The following SHD variants were observed in gnomAD, a reference collection of about 807,000 sequenced individuals.
SHD encodes Src homology 2 domain containing transforming protein D.
Under a neutral mutation model 31.2 loss-of-function variants are expected in SHD, and 29 were observed. That is an observed-to-expected ratio of 0.93 (90% CI 0.69 to 1.27). SHD has a LOEUF of 1.27. Among genes scored for constraint, SHD ranks in the 50% most tolerant of loss-of-function variants. SHD has a pLI of 0.00. For missense variants in SHD, 520 were observed against 453.8 expected (o/e 1.15, Z -1.33); for synonymous variants, 208 against 187.8 (o/e 1.11, Z -0.88).
chr19:4,289,497 C>T (rs1051949139), intron 5 of SHD, among the ~76,000 whole-genome samples: 3 of 151,870 alleles, frequency 2.0e-5, no homozygotes, highest in Non-Finnish European at 4.4e-5. Context: ...CCGCCTGACT[C>T]GGCCTCCCAA....
In SHD at chr19:4,279,958, T is replaced by C; in HGVS notation, c.-106T>C. The C allele has an allele frequency of 2.2e-6, 3 of 1,337,356 alleles. No individual in the cohort carries two copies. Among genetic ancestry groups the C allele is most frequent in the Non-Finnish European group, 2.0e-6 (2 of 994,318 alleles). 82.8% of individuals were successfully genotyped at this position (1,337,356 alleles called of 1,614,324 possible). On this transcript the variant is annotated 5_prime_UTR_variant, in exon 1 of 6. Coordinates refer to ENST00000543264, the MANE Select transcript of SHD (RefSeq NM_020209.4). The surrounding 1 kb of genome is among the most constrained non-coding windows in gnomAD (Gnocchi z 7.5). ...CCTGATCTTTCTCATCCTTCCCTGCTCTTCCCTTCCTCTCCACCTCCTCCT... is the reference window on the plus strand; with the variant it reads ...CCTGATCTTTCTCATCCTTCCCTGCCCTTCCCTTCCTCTCCACCTCCTCCT...
chr19:4,287,582 C>T (rs967686756), intron 4 of SHD, among the ~76,000 whole-genome samples: 4 of 151,388 alleles, frequency 2.6e-5, no homozygotes, highest in East Asian at 4.0e-4. Context: ...GTTAGGAGTT[C>T]GAGACCAGCC....
intron 4 of SHD, among the ~76,000 whole-genome samples, chr19:4,286,300 C>T (rs1339791574): frequency 3.7e-5 from 5 of 133,616 alleles, no homozygotes; most frequent in African/African-American, 8.9e-5. Context: ...TCCTTCCTTC[C>T]TTCCTTCCTT....
Position 4,284,842 on chromosome 19 carries a change from T to G in SHD, c.654T>G (p.Pro218=), listed in dbSNP as rs141052448. Residue 218 remains proline, a synonymous_variant, in exon 4 of 6, where the codon CCT becomes CCG. Transcript: ENST00000543264. ...GCTCAGCCAAGGAGCTCCGGAGACC[T>G]CCGCCCAGAAGCCCCCAGCCTGCGG... ...TPGSAKELRR[P]PPRSPQPAER... is the part of the protein sequence containing the mutation. 53 of 1,612,746 alleles carry G rather than the reference T, an allele frequency of 3.3e-5. No homozygotes were observed. Among genetic ancestry groups the G allele is most frequent in the Non-Finnish European group, 4.4e-5 (52 of 1,179,532 alleles).
At position 4,279,931 on chromosome 19, in the gene SHD, C is replaced by T. The variant is rs2144712348; in HGVS notation, c.-133C>T. On this transcript the variant is annotated 5_prime_UTR_variant, in exon 1 of 6. Transcript: ENST00000543264. The surrounding 1 kb of genome is among the most constrained non-coding windows in gnomAD (Gnocchi z 7.5). ...CCATCCAGAGCCCCGCCAAAGGGCGCACCTGATCTTTCTCATCCTTCCCTG... is the reference window on the plus strand; with the variant it reads ...CCATCCAGAGCCCCGCCAAAGGGCGTACCTGATCTTTCTCATCCTTCCCTG... The T allele has an allele frequency of 1.8e-6, 2 of 1,114,924 alleles. No homozygotes were observed. The highest frequency in any genetic ancestry group is 5.2e-5 in the East Asian group (2 of 38,678). The allele number at this position is 1,114,924 out of a possible 1,614,324, so 69.1% of individuals were successfully genotyped here. A position where few individuals can be genotyped will look rare whatever the true frequency, so the allele number is the denominator to read the frequency against.
intron 5 of SHD, 85 bp from the exon 6 acceptor site, chr19:4,290,362 G>C (rs754165138): frequency 1.1e-4 from 160 of 1,455,896 alleles, no homozygotes; most frequent in Non-Finnish European, 1.4e-4. Context: ...ACCTGGCCTG[G>C]GCACTGTGGG....
intron 3 of SHD, 139 bp downstream of exon 3, chr19:4,283,381 T>A: frequency 2.3e-6 from 2 of 881,836 alleles, no homozygotes; most frequent in Non-Finnish European, 3.4e-6. Flanking sequence ...CACTAGAGTG[T>A]GAATGACTGA....
intron 3 of SHD, 77 bp from the exon 4 acceptor site, chr19:4,284,704 A>T (rs1971290199): frequency 2.2e-6 from 3 of 1,372,840 alleles, no homozygotes; most frequent in Non-Finnish European, 2.9e-6. Flanking sequence ...TTCTACCGAG[A>T]TTCCATTGGC....
At chr19:4,286,259 C>CCT (rs1971313471) in intron 4 of SHD, among the ~76,000 whole-genome samples, 12 of 115,290 alleles carry the variant, frequency 1.0e-4, no homozygotes, top group Admixed American at 3.7e-4. Flanking sequence ...TTCTTTCTTT[C>CCT]TCTCTTTCTT....
At chr19:4,280,620 G>A (rs2144713106) in intron 1 of SHD, among the ~76,000 whole-genome samples, 1 of 151,774 alleles carries the variant, frequency 6.6e-6, no homozygotes, top group Admixed American at 6.6e-5. Flanking sequence ...TCCACCTCCT[G>A]GGGTTCAAGC....
At chr19:4,286,097 A>G (rs1173610198) in intron 4 of SHD, among the ~76,000 whole-genome samples, 4 of 149,964 alleles carry the variant, frequency 2.7e-5, no homozygotes, top group Non-Finnish European at 5.9e-5. Context: ...TCACCATGTT[A>G]GCCAGGCTGG....
intron 5 of SHD, among the ~76,000 whole-genome samples, chr19:4,289,312 T>C (rs1054061005): frequency 7.4e-5 from 11 of 149,490 alleles, no homozygotes; most frequent in African/African-American, 1.2e-4. Context: ...GGGGTTTCAC[T>C]GTGTTAGCCA....
Position 4,290,691 on chromosome 19 carries a change from C to T in SHD, c.*58C>T. On this transcript the variant is annotated 3_prime_UTR_variant, in exon 6 of 6. Transcript: ENST00000543264. ...GCCCAGAATCGTATCCCAAAGCCCT[C>T]CCATGGCCTAGAAAATAAATAAGTT... 6.8e-7 allele frequency: 1 copy of T among 1,478,946 alleles called. No homozygotes were observed. The highest frequency in any genetic ancestry group is 9.1e-7 in the Non-Finnish European group (1 of 1,101,550). The allele number at this position is 1,478,946 out of a possible 1,614,324, so 91.6% of individuals were successfully genotyped here. A position where few individuals can be genotyped will look rare whatever the true frequency, so the allele number is the denominator to read the frequency against.
In SHD at chr19:4,284,870, C is replaced by T; in HGVS notation, c.682C>T (p.Arg228Cys). Reference sequence around the variant, plus strand: ...GCCCAGAAGCCCCCAGCCTGCGGAGCGTGTGGACCCAGCCCTGCCCCTGGA... The same window carrying T: ...GCCCAGAAGCCCCCAGCCTGCGGAGTGTGTGGACCCAGCCCTGCCCCTGGA... Reference protein sequence around the residue: ...PPPRSPQPAERVDPALPLEKQ... With the variant: ...PPPRSPQPAECVDPALPLEKQ... The change falls in exon 4 of 6, where the codon CGT (arginine) becomes TGT (cysteine). Residue 228 changes from arginine to cysteine, a missense_variant. By Grantham distance (180) the Arg-to-Cys change is radical. Coordinates refer to ENST00000543264, the MANE Select transcript of SHD (RefSeq NM_020209.4). 6.2e-7 allele frequency: 1 copy of T among 1,611,220 alleles called. No individual in the cohort carries two copies. The highest frequency in any genetic ancestry group is 1.7e-5 in the Admixed American group (1 of 59,912).
intron 3 of SHD, 117 bp from the exon 4 acceptor site, chr19:4,284,664 G>A: frequency 1.6e-6 from 2 of 1,272,990 alleles, no homozygotes; most frequent in Non-Finnish European, 2.1e-6. Flanking sequence ...CCCCTGGGCT[G>A]TGATAGGTTG....
intron 5 of SHD, among the ~76,000 whole-genome samples, chr19:4,289,290 T>G (rs1024840724): frequency 1.3e-5 from 2 of 150,560 alleles, no homozygotes; most frequent in Non-Finnish European, 3.0e-5. Flanking sequence ...TTTTTGTATT[T>G]TTAGTAGAGA....
Position 4,283,277 on chromosome 19 carries a change from C to T in SHD, c.592+35C>T, listed in dbSNP as rs367856249. ...AGACCCACACTCTGACATCTGAATG[C>T]CCCATCCCTGCATTTCCTCATCTGG... On this transcript the variant is annotated intron_variant, in intron 3 of 5. Transcript: ENST00000543264. The T allele has an allele frequency of 3.2e-6, 5 of 1,580,120 alleles. No individual in the cohort carries two copies. In the African/African-American group the frequency reaches 4.1e-5, roughly 13 times the overall value.
chr19:4,283,320 G>T (rs575559501), intron 3 of SHD, 78 bp downstream of exon 3: 1 of 1,433,604 alleles, frequency 7.0e-7, no homozygotes. Context: ...TCCTGTTTCA[G>T]TTTACAAAGT....
Position 4,286,276 on chromosome 19 carries a change from TTTC to T in SHD, c.716+1375_716+1377del, listed in dbSNP as rs943631154. Among the ~76,000 whole-genome samples, 14 of 104,524 alleles carry T rather than the reference TTTC, an allele frequency of 1.3e-4. No individual in the cohort carries two copies. The East Asian group carries it at 3.0e-3, about 22-fold the overall frequency. The allele number at this position is 104,524 out of a possible 152,430, so 68.6% of individuals were successfully genotyped here. A position where few individuals can be genotyped will look rare whatever the true frequency, so the allele number is the denominator to read the frequency against. Reference sequence around the variant, plus strand: ...CTTTCTTTCTCTCTTTCTTTCTTTCTTTCTTTTTTTCTTTCCTTCCTTCCTTCC... The same window carrying T: ...CTTTCTTTCTCTCTTTCTTTCTTTCTTTTTTTTCTTTCCTTCCTTCCTTCC... On this transcript the variant is annotated intron_variant, in intron 4 of 5. Coordinates refer to ENST00000543264, the MANE Select transcript of SHD (RefSeq NM_020209.4).
Sources: allele counts gnomAD v4.1 joint callset (sites outside exome capture counted in the v4.1 genomes callset), GRCh38; gene constraint gnomAD v4.1.1; non-coding constraint Gnocchi (gnomAD v3.1); transcripts MANE v1.5; gene names NCBI Gene and HGNC (gene_info 2026-07-23, HGNC 2026-07-21).